PLA2G6: variants seen among roughly 807,000 people sequenced by gnomAD.
PLA2G6 encodes 85/88 kDa calcium-independent phospholipase A2.
PLA2G6 carries 62 observed loss-of-function variants against 83.8 expected under a neutral mutation model. That is an observed-to-expected ratio of 0.74 (90% CI 0.60 to 0.91). The LOEUF (loss-of-function observed/expected upper bound fraction) is 0.91, where lower values mean the gene tolerates loss of function less well. PLA2G6 is among the 40% of genes least tolerant of loss of function. The probability of loss-of-function intolerance (pLI) is 0.00; values close to 1 mark genes in which losing one functional copy is unlikely to be tolerated. For synonymous variants in PLA2G6, 417 were observed against 449.8 expected, an observed-to-expected ratio of 0.93 and a Z score of 0.92; for missense variants, 944 against 1,102.0, an observed-to-expected ratio of 0.86 and a Z score of 2.03.
At chr22:38,146,039 A>ATT (rs5845374) in intron 2 of PLA2G6, 1,336 of 226,274 alleles carry the variant, frequency 5.9e-3, no homozygotes, top group South Asian at 0.015. Flanking sequence ...TGCCCAGCTA[A>ATT]TTTTTTTTTT....
chr22:38,167,431 C>T (rs928196636), intron 2 of PLA2G6, among the ~76,000 whole-genome samples: 3 of 152,090 alleles, frequency 2.0e-5, no homozygotes, highest in Non-Finnish European at 2.9e-5. Context: ...ATTATTGGTA[C>T]GTGGAGATTA....
At chr22:38,125,363 G>T (rs745445901) in intron 10 of PLA2G6, among the ~76,000 whole-genome samples, 5 of 152,182 alleles carry the variant, frequency 3.3e-5, no homozygotes, top group African/African-American at 4.8e-5. Context: ...AGAGCATGCA[G>T]GGGGCACAGG....
intron 6 of PLA2G6, 37 bp downstream of exon 6, chr22:38,134,951 C>A: frequency 1.5e-6 from 2 of 1,301,578 alleles, no homozygotes; most frequent in Non-Finnish European, 2.2e-6. Context: ...CGGGGCCCGG[C>A]CCCCTGCCCC....
chr22:38,165,605 G>A (rs2090182884), intron 2 of PLA2G6, among the ~76,000 whole-genome samples: 1 of 152,198 alleles, frequency 6.6e-6, no homozygotes, highest in Non-Finnish European at 1.5e-5. Flanking sequence ...CGGGCGCGGT[G>A]GCTCACTCCT....
chr22:38,124,008 T>C (rs189360259), intron 10 of PLA2G6, among the ~76,000 whole-genome samples: 246 of 152,208 alleles, frequency 1.6e-3, no homozygotes, highest in African/African-American at 5.6e-3. Flanking sequence ...GCTAATTTTG[T>C]ATTTTTAATA....
chr22:38,134,959 C>T, intron 6 of PLA2G6, 29 bp downstream of exon 6: 1 of 1,206,020 alleles, frequency 8.3e-7, no homozygotes, highest in South Asian at 1.2e-5. Flanking sequence ...GGCCCCCTGC[C>T]CCACCCACCC....
At chr22:38,142,874 AG>A in intron 4 of PLA2G6, 1 of 608,030 alleles carries the variant, frequency 1.6e-6, no homozygotes. Context: ...GCTGGGTTGG[AG>A]GCCGTCCCCA....
intron 11 of PLA2G6, 96 bp from the exon 12 acceptor site, chr22:38,121,005 G>T: frequency 6.9e-7 from 1 of 1,458,044 alleles, no homozygotes; most frequent in Non-Finnish European, 9.4e-7. Context: ...GGAGGTGGCA[G>T]GAGGAAGCGG....
intron 5 of PLA2G6, chr22:38,138,452 AC>A (rs1569269570): frequency 6.6e-6 from 1 of 152,248 alleles, no homozygotes; most frequent in Non-Finnish European, 1.5e-5. Context: ...GGAAGGAACA[AC>A]CTGAGGACAG....
At position 38,173,278 on chromosome 22, in the gene PLA2G6, G is replaced by A. The variant is rs565962067; in HGVS notation, c.-45-3807C>T. Among the ~76,000 whole-genome samples, 7 of 152,096 alleles carry A rather than the reference G, an allele frequency of 4.6e-5. No individual in the cohort carries two copies. The South Asian group carries it at 1.2e-3, about 27-fold the overall frequency. ...ACAGCGTCCTACCCTTGACCTTCCC[G>A]TGGGGTAGACAATCACTTTTCCCCA... On this transcript the variant is annotated intron_variant, in intron 1 of 16. Transcript: ENST00000332509.
At chr22:38,150,431 G>A (rs903707689) in intron 2 of PLA2G6, 3 of 152,204 alleles carry the variant, frequency 2.0e-5, no homozygotes, top group African/African-American at 7.2e-5. Context: ...TGCCAGTTGC[G>A]AGTTACCTTA....
chr22:38,125,553 C>A, intron 10 of PLA2G6: 2 of 409,900 alleles, frequency 4.9e-6, no homozygotes, highest in Admixed American at 3.0e-5. Context: ...GGTATAGAGT[C>A]CACAGAGAAC....
chr22:38,134,957 G>GCCCCCCCCCCCCCC, intron 6 of PLA2G6, 31 bp downstream of exon 6: 3 of 995,342 alleles, frequency 3.0e-6, no homozygotes, highest in Non-Finnish European at 3.2e-6. Flanking sequence ...CCGGCCCCCT[G>GCCCCCCCCCCCCCC]CCCCACCCAC....
intron 2 of PLA2G6, among the ~76,000 whole-genome samples, chr22:38,165,984 A>G (rs1260275703): frequency 6.6e-6 from 1 of 152,222 alleles, no homozygotes; most frequent in Non-Finnish European, 1.5e-5. Flanking sequence ...GCGCTGTGAC[A>G]GCAGCTTGGA....
intron 5 of PLA2G6, chr22:38,138,286 T>C (rs1162934849): frequency 6.5e-6 from 1 of 152,896 alleles, no homozygotes; most frequent in African/African-American, 2.4e-5. Context: ...GGGGTGTTGG[T>C]ATCTTCTCTG....
At chr22:38,125,517 G>A (rs936548925) in intron 10 of PLA2G6, 1 of 348,552 alleles carries the variant, frequency 2.9e-6, no homozygotes, top group African/African-American at 2.2e-5. Flanking sequence ...TGAGAAGAGA[G>A]CTTTCCCTGC....
At chr22:38,115,953 G>C in intron 13 of PLA2G6, 122 bp downstream of exon 13, 1 of 1,475,866 alleles carries the variant, frequency 6.8e-7, no homozygotes, top group Non-Finnish European at 9.3e-7. Context: ...ATAAAGACCA[G>C]TGCAGCGGGT....
At chr22:38,113,696 C>T (rs1302562931) in intron 14 of PLA2G6, 42 bp from the exon 15 acceptor site, 3 of 1,596,796 alleles carry the variant, frequency 1.9e-6, no homozygotes, top group South Asian at 2.2e-5. Flanking sequence ...AGACCTTCCA[C>T]AGGTAGGGGG....
chr22:38,164,181 TC>T (rs2090127984), intron 2 of PLA2G6, among the ~76,000 whole-genome samples: 1 of 152,144 alleles, frequency 6.6e-6, no homozygotes, highest in African/African-American at 2.4e-5. Context: ...CCCTGGGGGC[TC>T]ACACGGGGAG....
Sources: gnomAD v4.1 joint callset for allele counts (sites outside exome capture counted in the v4.1 genomes callset) on GRCh38, gnomAD v4.1.1 for gene constraint, MANE v1.5 for transcripts, NCBI Gene and HGNC (gene_info 2026-07-23, HGNC 2026-07-21) for gene names.